Variants in OCSTAMP observed in about 807,000 individuals in gnomAD.
The protein encoded by OCSTAMP is osteoclast stimulatory transmembrane protein.
Under a neutral mutation model 25.2 loss-of-function variants are expected in OCSTAMP, and 17 were observed. The observed-to-expected ratio is 0.68, with a 90% confidence interval of 0.46 to 1.01. The LOEUF (loss-of-function observed/expected upper bound fraction) is 1.01, where lower values mean the gene tolerates loss of function less well. Among genes scored for constraint, OCSTAMP ranks in the 50% least tolerant of loss-of-function variants. OCSTAMP has a pLI of 0.00. For synonymous variants in OCSTAMP, 345 were observed against 318.9 expected (o/e 1.08, Z -0.87); for missense variants, 664 against 694.6 (o/e 0.96, Z 0.50).
chr20:46,549,826 G>A (rs1338584145), intron 1 of OCSTAMP, among the ~76,000 whole-genome samples: 4 of 151,998 alleles, frequency 2.6e-5, no homozygotes, highest in Non-Finnish European at 5.9e-5. Flanking sequence ...GTGTGTGTGT[G>A]TGTAAGCTGC....
intron 1 of OCSTAMP, among the ~76,000 whole-genome samples, chr20:46,547,028 C>T (rs924529520): frequency 1.3e-5 from 2 of 152,228 alleles, no homozygotes; most frequent in Admixed American, 6.5e-5. Flanking sequence ...ATTCTGAACA[C>T]ATTTTGTTGG....
At chr20:46,542,565 A>C (rs2061837817) in intron 2 of OCSTAMP, among the ~76,000 whole-genome samples, 1 of 62,856 alleles carries the variant, frequency 1.6e-5, no homozygotes, top group Non-Finnish European at 3.5e-5. Flanking sequence ...ACACAGCAAG[A>C]CTCTGTCTCA....
Position 46,545,795 on chromosome 20 carries a change from G to A in OCSTAMP, c.579C>T (p.Gly193=). The A allele has an allele frequency of 1.3e-6, 2 of 1,551,440 alleles. No individual in the cohort carries two copies. The highest frequency in any genetic ancestry group is 1.4e-5 in the African/African-American group (1 of 73,190). Reference sequence around the variant, plus strand: ...TGAGCATGTGAAGGTAGAAGGCAGAGCCATTGTCCTGGGCCTCAAATGTCA... The same window carrying A: ...TGAGCATGTGAAGGTAGAAGGCAGAACCATTGTCCTGGGCCTCAAATGTCA... The part of the protein sequence containing the change: ...RGLTFEAQDN[G]SAFYLHMLRV... The change falls in exon 2 of 3, where the codon GGC becomes GGT. Residue 193 remains glycine (G), a synonymous_variant. Transcript: ENST00000279028.
chr20:46,541,602 C>G lies in OCSTAMP; in HGVS notation c.1373G>C (p.Gly458Ala), dbSNP rs780582674. ...RLQRRHDRHQ[G>A]QQLPLGDPSC... is the part of the protein sequence containing the mutation. ...AGGATCCCCTAGGGGCAGCTGCTGG[C>G]CTTGGTGCCTGTCGTGTCTTCGCTG... Residue 458 changes from glycine (G) to alanine (A), a missense_variant, in exon 3 of 3, where the codon GGC (glycine) becomes GCC (alanine). Coordinates refer to ENST00000279028, the MANE Select transcript of OCSTAMP (RefSeq NM_080721.3). The G allele has an allele frequency of 2.6e-6, 4 of 1,551,498 alleles. No homozygotes were observed. In the African/African-American group the frequency reaches 5.5e-5, roughly 21 times the overall value.
chr20:46,550,586 G>A lies in OCSTAMP; in HGVS notation c.-26C>T, dbSNP rs969877153. 2 of 1,551,334 alleles carry A rather than the reference G, an allele frequency of 1.3e-6. No homozygotes were observed. Among genetic ancestry groups the A allele is most frequent in the African/African-American group, 2.7e-5 (2 of 73,044 alleles). ...GCTGTCCAAATGGCAGTGGTTTCAGGCGGGCGGTCGCTGGCAGCTGTGGCA... is the reference window on the plus strand; with the variant it reads ...GCTGTCCAAATGGCAGTGGTTTCAGACGGGCGGTCGCTGGCAGCTGTGGCA... On this transcript the variant is annotated 5_prime_UTR_variant, in exon 1 of 3. Coordinates refer to ENST00000279028, the MANE Select transcript of OCSTAMP (RefSeq NM_080721.3).
chr20:46,549,592 G>A (rs532713352), intron 1 of OCSTAMP, among the ~76,000 whole-genome samples: 1 of 152,266 alleles, frequency 6.6e-6, no homozygotes, highest in East Asian at 1.9e-4. Flanking sequence ...AAGGACAAGT[G>A]TCAGTTTGTG....
At position 46,545,995 on chromosome 20, in the gene OCSTAMP, T is replaced by C; in HGVS notation, c.379A>G (p.Thr127Ala). ...ACCACAGCAATGGCCAGGGTGGCAG[T>C]GCTGTAGGACAGGAGCAGCCGGCGG... ...QGRRLLLSYS[T>A]ATLAIAVVPN... Residue 127 changes from threonine (T) to alanine (A), a missense_variant, in exon 2 of 3, where the codon ACT (threonine) becomes GCT (alanine). By Grantham distance (58) the Thr-to-Ala change is moderately conservative. Coordinates refer to ENST00000279028, the MANE Select transcript of OCSTAMP (RefSeq NM_080721.3). The C allele has an allele frequency of 6.4e-7, 1 of 1,551,344 alleles. No homozygotes were observed. Among genetic ancestry groups the C allele is most frequent in the South Asian group, 1.2e-5 (1 of 84,056 alleles).
In OCSTAMP at chr20:46,541,549, A is replaced by G; in HGVS notation, c.1426T>C (p.Cys476Arg). Residue 476 changes from cysteine (C) to arginine (R), a missense_variant, in exon 3 of 3, where the codon TGC (cysteine) becomes CGC (arginine). Cys to Arg is a radical substitution (Grantham distance 180, BLOSUM62 -3). Transcript: ENST00000279028. Reference protein sequence around the residue: ...PSCVPTPRPACKPPAWIDYRL... With the variant: ...PSCVPTPRPARKPPAWIDYRL... ...TAGTCTATCCATGCCGGAGGCTTGC[A>G]GGCAGGTCTGGGTGTGGGGACGCAA... The G allele has an allele frequency of 6.4e-7, 1 of 1,551,726 alleles. No homozygotes were observed. The highest frequency in any genetic ancestry group is 2.4e-5 in the East Asian group (1 of 40,916).
In OCSTAMP at chr20:46,541,366, T is replaced by A; in HGVS notation, c.1609A>T (p.Asn537Tyr). The A allele has an allele frequency of 1.2e-6, 1 of 827,526 alleles. No homozygotes were observed. The highest frequency in any genetic ancestry group is 2.1e-6 in the Non-Finnish European group (1 of 484,978). 51.3% of individuals were successfully genotyped at this position (827,526 alleles called of 1,614,324 possible). The change falls in exon 3 of 3, where the codon AAC becomes TAC. Residue 537 changes from asparagine to tyrosine, a missense_variant. By Grantham distance (143) the Asn-to-Tyr change is moderately radical (BLOSUM62 -2). Coordinates refer to ENST00000279028, the MANE Select transcript of OCSTAMP (RefSeq NM_080721.3). ...LSEPRFLHLH[N>Y]DSIFTIDVTY... ...ACATCAATGGTAAATATGCTGTCGT[T>A]ATGCAGATGTAGAAACCGAGGCTCA...
Position 46,546,113 on chromosome 20 carries a change from G to A in OCSTAMP, c.261C>T (p.Val87=). ...GGCTCAGGAAGACCAGGAGGCCACA[G>A]ACAGTGGCAACCATGGCTGAAGGTC... The part of the protein sequence containing the change: ...PPGPSAMVAT[V]CGLLVFLSLG... Residue 87 remains valine, a synonymous_variant, in exon 2 of 3, where the codon GTC becomes GTT. Transcript: ENST00000279028. The A allele has an allele frequency of 6.4e-7, 1 of 1,551,786 alleles. No individual in the cohort carries two copies. Among genetic ancestry groups the A allele is most frequent in the Non-Finnish European group, 8.7e-7 (1 of 1,147,004 alleles).
intron 2 of OCSTAMP, among the ~76,000 whole-genome samples, chr20:46,542,183 T>C (rs540813745): frequency 3.9e-5 from 6 of 152,364 alleles, no homozygotes; most frequent in African/African-American, 1.4e-4. Flanking sequence ...AAATTGTCTA[T>C]GGATGTTTGC....
In OCSTAMP at chr20:46,545,511, T is replaced by G. The variant is rs866855958; in HGVS notation, c.863A>C (p.Gln288Pro). Residue 288 changes from glutamine (Q) to proline (P), a missense_variant, in exon 2 of 3, where the codon CAG becomes CCG. Coordinates refer to ENST00000279028, the MANE Select transcript of OCSTAMP (RefSeq NM_080721.3). ...PPPTWLLQAA[Q>P]LRLSQEELLS... Reference sequence around the variant, plus strand: ...CAGCTCCTCCTGTGACAGCCTCAGCTGAGCCGCCTGGAGCAGCCAGGTGGG... The same window carrying G: ...CAGCTCCTCCTGTGACAGCCTCAGCGGAGCCGCCTGGAGCAGCCAGGTGGG... 1.3e-6 allele frequency: 2 copies of G among 1,551,450 alleles called. No homozygotes were observed. The highest frequency in any genetic ancestry group is 1.4e-5 in the African/African-American group (1 of 73,180).
intron 2 of OCSTAMP, among the ~76,000 whole-genome samples, chr20:46,543,565 C>T (rs1459524186): frequency 6.6e-6 from 1 of 152,052 alleles, no homozygotes; most frequent in Non-Finnish European, 1.5e-5. Flanking sequence ...CTCCTGACCT[C>T]AGGTGATCCA....
chr20:46,547,220 C>T (rs556028539), intron 1 of OCSTAMP, among the ~76,000 whole-genome samples: 1 of 152,240 alleles, frequency 6.6e-6, no homozygotes, highest in East Asian at 1.9e-4. Flanking sequence ...GAATTCAGTT[C>T]AGAACTCTTA....
At chr20:46,547,299 T>C (rs1270689982) in intron 1 of OCSTAMP, among the ~76,000 whole-genome samples, 1 of 152,146 alleles carries the variant, frequency 6.6e-6, no homozygotes, top group African/African-American at 2.4e-5. Context: ...AGTCAGGAAT[T>C]CAGAGGGGAG....
chr20:46,542,891 G>A (rs958883339), intron 2 of OCSTAMP, among the ~76,000 whole-genome samples: 1 of 152,204 alleles, frequency 6.6e-6, no homozygotes, highest in Non-Finnish European at 1.5e-5. Context: ...ATGAAATAAT[G>A]TGAAAGCAAT....
At chr20:46,543,351 T>G (rs1378578854) in intron 2 of OCSTAMP, among the ~76,000 whole-genome samples, 1 of 150,804 alleles carries the variant, frequency 6.6e-6, no homozygotes, top group Non-Finnish European at 1.5e-5. Flanking sequence ...CCTTTTTTTT[T>G]TTTTGGAGTC....
rs1233212423 is a variant in OCSTAMP, at chr20:46,541,855, C to A, written c.1120G>T (p.Val374Phe). 3 of 1,471,160 alleles carry A rather than the reference C, an allele frequency of 2.0e-6. No homozygotes were observed. The highest frequency in any genetic ancestry group is 2.7e-6 in the Non-Finnish European group (3 of 1,115,736). 91.1% of individuals were successfully genotyped at this position (1,471,160 alleles called of 1,614,324 possible). A position where few individuals can be genotyped will look rare whatever the true frequency, so the allele number is the denominator to read the frequency against. The part of the protein sequence containing the change: ...QLAPESPFLS[V>F]HSSYQWELRL... ...AGCTCCCATTGGTAGGAGCTGTGGA[C>A]GGAGAGGAAGGGGCTCTCCGGAGCC... Residue 374 changes from valine (V) to phenylalanine (F), a missense_variant, in exon 3 of 3, where the codon GTC (valine) becomes TTC (phenylalanine). Physicochemically the swap from Val to Phe is conservative, Grantham distance 50 (BLOSUM62 -1). Coordinates refer to ENST00000279028, the MANE Select transcript of OCSTAMP (RefSeq NM_080721.3).
chr20:46,546,438 A>G, intron 1 of OCSTAMP, 109 bp from the exon 2 acceptor site: 5 of 946,240 alleles, frequency 5.3e-6, no homozygotes, highest in South Asian at 1.7e-5. Context: ...AACAGACTCC[A>G]CCCTTGTAGT....
Sources: allele counts gnomAD v4.1 joint callset (sites outside exome capture counted in the v4.1 genomes callset), GRCh38; gene constraint gnomAD v4.1.1; transcripts MANE v1.5; gene names NCBI Gene and HGNC (gene_info 2026-07-23, HGNC 2026-07-21).